The following SNTG1 variants were observed in gnomAD, a reference collection of about 807,000 sequenced individuals.
SNTG1 encodes syntrophin gamma 1.
A neutral mutation model predicts 74.7 loss-of-function variants in SNTG1; 39 were observed. That is an observed-to-expected ratio of 0.52 (90% CI 0.40 to 0.68). The LOEUF is 0.68. Among genes scored for constraint, SNTG1 ranks in the 30% least tolerant of loss-of-function variants. The pLI is 0.00. For missense variants in SNTG1, 685 were observed against 609.5 expected, an observed-to-expected ratio of 1.12 and a Z score of -1.30; for synonymous variants, 254 against 217.1, an observed-to-expected ratio of 1.17 and a Z score of -1.49.
chr8:50,768,406 T>C (rs1385134592), intron 18 of SNTG1, among the ~76,000 whole-genome samples: 2 of 152,086 alleles, frequency 1.3e-5, no homozygotes, highest in Non-Finnish European at 2.9e-5. Flanking sequence ...GGATGCTCAG[T>C]TTTTCAAAGC....
chr8:49,969,951 C>T (rs1445085546), intron 1 of SNTG1, among the ~76,000 whole-genome samples: 2 of 149,342 alleles, frequency 1.3e-5, no homozygotes, highest in African/African-American at 5.0e-5. Context: ...TGTGTGTTTT[C>T]AGGCTGGTGT....
intron 2 of SNTG1, chr8:50,382,036 C>G (rs1426138443): frequency 6.6e-6 from 1 of 151,434 alleles, no homozygotes; most frequent in African/African-American, 2.4e-5. Context: ...AGGCCGGCCT[C>G]GTCTTTTCAC....
At chr8:50,522,314 T>C (rs1227004412) in intron 9 of SNTG1, among the ~76,000 whole-genome samples, 2 of 152,074 alleles carry the variant, frequency 1.3e-5, no homozygotes, top group Non-Finnish European at 2.9e-5. Context: ...TTTCAGGGTG[T>C]GTGTGTGTGT....
In SNTG1 at chr8:50,479,264, T is replaced by C. The variant is rs1055505462; in HGVS notation, c.364-23514T>C. ...AATTGGAATTAAAACACTTGGCTTT[T>C]TTTTTTCTTCAAGAATTTAATAGAA... On this transcript the variant is annotated intron_variant, in intron 8 of 18. Coordinates refer to ENST00000642720, the MANE Select transcript of SNTG1 (RefSeq NM_018967.5). Among the ~76,000 whole-genome samples the C allele has an allele frequency of 1.3e-5, 2 of 152,164 alleles. 1 individual carries two copies. The highest frequency in any genetic ancestry group is 4.8e-5 in the African/African-American group (2 of 41,442).
intron 10 of SNTG1, among the ~76,000 whole-genome samples, chr8:50,531,390 C>A (rs2094266357): frequency 1.3e-5 from 2 of 151,550 alleles, no homozygotes. Context: ...AACCACAATA[C>A]AGCATGATTG....
chr8:50,363,121 G>T (rs1472720483), intron 2 of SNTG1, among the ~76,000 whole-genome samples: 2 of 151,962 alleles, frequency 1.3e-5, no homozygotes, highest in Non-Finnish European at 2.9e-5. Flanking sequence ...AACCCCAGTG[G>T]TAAAGCCTAG....
At chr8:49,937,693 T>A (rs1033908030) in intron 1 of SNTG1, among the ~76,000 whole-genome samples, 11 of 152,166 alleles carry the variant, frequency 7.2e-5, no homozygotes, top group African/African-American at 2.7e-4. Flanking sequence ...TAGGCTTTTT[T>A]CAACAACTAA....
chr8:50,546,179 G>A (rs2251415), intron 11 of SNTG1, among the ~76,000 whole-genome samples: 33,183 of 151,978 alleles, frequency 0.22, 4,731 homozygotes, highest in African/African-American at 0.4. Flanking sequence ...GAACTGAGGA[G>A]CAGTGATTAA....
intron 4 of SNTG1, among the ~76,000 whole-genome samples, chr8:50,433,389 T>C (rs28488960): frequency 0.09 from 13,649 of 152,070 alleles, 1,909 homozygotes; most frequent in African/African-American, 0.3. Flanking sequence ...ATGGCAATGG[T>C]GAACAGGGAT....
intron 2 of SNTG1, among the ~76,000 whole-genome samples, chr8:50,274,079 TTTG>T (rs150473240): frequency 1.4e-3 from 210 of 151,986 alleles, no homozygotes; most frequent in African/African-American, 4.6e-3. Flanking sequence ...TGTGTCAGTT[TTTG>T]TTGTTGTTGT....
intron 2 of SNTG1, among the ~76,000 whole-genome samples, chr8:50,182,191 C>T (rs1305520040): frequency 6.6e-6 from 1 of 152,090 alleles, no homozygotes; most frequent in Non-Finnish European, 1.5e-5. Flanking sequence ...GTTGAAGAGG[C>T]AAAGAATAAC....
chr8:50,769,132 CCCGTT>C (rs1446915411), intron 18 of SNTG1, among the ~76,000 whole-genome samples: 111 of 151,456 alleles, frequency 7.3e-4, no homozygotes, highest in African/African-American at 2.4e-3. Context: ...AATTTCTCTA[CCCGTT>C]TGTGTTAAGA....
intron 5 of SNTG1, among the ~76,000 whole-genome samples, chr8:50,440,534 A>T (rs1238751576): frequency 6.6e-6 from 1 of 152,184 alleles, no homozygotes; most frequent in African/African-American, 2.4e-5. Flanking sequence ...AAAATGTATA[A>T]ACTTTTTTAA....
At chr8:50,128,495 A>G (rs2081215701) in intron 1 of SNTG1, among the ~76,000 whole-genome samples, 1 of 152,306 alleles carries the variant, frequency 6.6e-6, no homozygotes, top group Non-Finnish European at 1.5e-5. Context: ...TAAAAGCAGT[A>G]ATAAGTACTT....
intron 2 of SNTG1, among the ~76,000 whole-genome samples, chr8:50,280,949 C>T (rs887720672): frequency 3.1e-5 from 4 of 129,536 alleles, no homozygotes; most frequent in Non-Finnish European, 4.6e-5. Context: ...GTCAGGAGAT[C>T]GAGACCATCC....
At chr8:50,771,034 C>A (rs890864102) in intron 18 of SNTG1, among the ~76,000 whole-genome samples, 40 of 152,032 alleles carry the variant, frequency 2.6e-4, no homozygotes, top group African/African-American at 8.9e-4. Context: ...GCTGTTATAG[C>A]AACACAAATG....
intron 11 of SNTG1, among the ~76,000 whole-genome samples, chr8:50,549,819 C>T (rs1039682723): frequency 3.3e-5 from 5 of 152,172 alleles, no homozygotes; most frequent in Admixed American, 1.3e-4. Context: ...CCAACCAAGC[C>T]GTTCCACTGT....
intron 1 of SNTG1, among the ~76,000 whole-genome samples, chr8:50,058,163 A>C (rs203957): frequency 2.6e-5 from 4 of 152,026 alleles, no homozygotes; most frequent in African/African-American, 7.2e-5. Flanking sequence ...AGACTCTGAG[A>C]GGTTGGGGGG....
chr8:50,609,819 A>T (rs1368788481), intron 13 of SNTG1, among the ~76,000 whole-genome samples: 1 of 151,800 alleles, frequency 6.6e-6, no homozygotes, highest in African/African-American at 2.4e-5. Context: ...TTCTACTCTA[A>T]AAGTTTCATT....
Sources: allele counts gnomAD v4.1 joint callset (sites outside exome capture counted in the v4.1 genomes callset), GRCh38; gene constraint gnomAD v4.1.1; transcripts MANE v1.5; gene names NCBI Gene and HGNC (gene_info 2026-07-23, HGNC 2026-07-21).